SLC22A25: variants seen among roughly 807,000 people sequenced by gnomAD.
SLC22A25 encodes the protein MGI:2442751, MGI:2385316, MGI:3042283, MGI:3645714, MGI:3605624, MGI:2442750.
Under a neutral mutation model 45.9 loss-of-function variants are expected in SLC22A25, and 44 were observed. The observed-to-expected ratio is 0.96, with a 90% CI of 0.75 to 1.23. SLC22A25 has a LOEUF of 1.23. Ranked by LOEUF, SLC22A25 falls within the 50% of genes most tolerant of loss-of-function variation. The pLI is 0.00. For missense variants in SLC22A25, 800 were observed against 666.4 expected (o/e 1.20, Z -2.21); for synonymous variants, 283 against 238.6 (o/e 1.19, Z -1.72).
intron 9 of SLC22A25, among the ~76,000 whole-genome samples, chr11:63,176,374 T>C (rs1352933807): frequency 6.6e-6 from 1 of 151,974 alleles, no homozygotes; most frequent in Non-Finnish European, 1.5e-5. Context: ...CATCTTTGTT[T>C]TGTTTATTTC....
chr11:63,164,016 G>A lies in SLC22A25; in HGVS notation c.1452C>T (p.Ser484=). 6.2e-7 allele frequency: 1 copy of A among 1,613,122 alleles called. No homozygotes were observed. Among genetic ancestry groups the A allele is most frequent in the South Asian group, 1.1e-5 (1 of 90,868 alleles). Residue 484 remains serine (S), a synonymous_variant, in exon 12 of 12, where the codon TCC becomes TCT. Coordinates refer to ENST00000306494, the MANE Select transcript of SLC22A25 (RefSeq NM_199352.6). ...AATATATGCTTAGGATCATCATGAG[G>A]GAAGCCAGGGCTCCCCCAATATTAG... ...NFANIGGALA[S]LMMILSIYSR... is the part of the protein sequence containing the mutation.
In SLC22A25 at chr11:63,162,486, T is replaced by A. The variant is rs1164471156; in HGVS notation, c.*1338A>T. Among the ~76,000 whole-genome samples, 1 of 152,176 alleles carries A rather than the reference T, an allele frequency of 6.6e-6. No individual in the cohort carries two copies. The highest frequency in any genetic ancestry group is 1.9e-4 in the East Asian group (1 of 5,202). Reference sequence around the variant, plus strand: ...AGTTTTATTCTTCTGCATATGGATATCCAGTTTTGGAACTATTTTTTATGT... The same window carrying A: ...AGTTTTATTCTTCTGCATATGGATAACCAGTTTTGGAACTATTTTTTATGT... On this transcript the variant is annotated 3_prime_UTR_variant, in exon 12 of 12. Coordinates refer to ENST00000306494, the MANE Select transcript of SLC22A25 (RefSeq NM_199352.6).
intron 11 of SLC22A25, 117 bp from the exon 12 acceptor site, chr11:63,164,190 C>G: frequency 7.4e-7 from 1 of 1,358,786 alleles, no homozygotes; most frequent in Non-Finnish European, 1.0e-6. Context: ...TGATAACATA[C>G]TCTTGCTTTT....
intron 3 of SLC22A25, among the ~76,000 whole-genome samples, chr11:63,234,252 T>C (rs2090124170): frequency 6.6e-6 from 1 of 152,184 alleles, no homozygotes; most frequent in South Asian, 2.1e-4. Context: ...AAGTCTCCCA[T>C]TATTATTGTG....
intron 7 of SLC22A25, among the ~76,000 whole-genome samples, chr11:63,204,336 A>G (rs1168051524): frequency 2.0e-5 from 3 of 152,174 alleles, no homozygotes; most frequent in Non-Finnish European, 4.4e-5. Flanking sequence ...AATGGGCTAA[A>G]TGCCCCAAAT....
intron 1 of SLC22A25, chr11:63,243,044 G>C (rs1344956283): frequency 6.4e-6 from 1 of 155,928 alleles, no homozygotes; most frequent in African/African-American, 2.4e-5. Context: ...CACTTTTCCA[G>C]TCCAGAGAAA....
At chr11:63,180,067 C>T (rs1371129241) in intron 9 of SLC22A25, among the ~76,000 whole-genome samples, 1 of 152,174 alleles carries the variant, frequency 6.6e-6, no homozygotes, top group African/African-American at 2.4e-5. Context: ...TCTTCTTGCC[C>T]ATTTCAGTGC....
rs567450781 is a variant in SLC22A25, at chr11:63,232,462, G to A, written c.-444-2366C>T. Among the ~76,000 whole-genome samples, 5 of 152,302 alleles carry A rather than the reference G, an allele frequency of 3.3e-5. No individual in the cohort carries two copies. The East Asian group carries it at 9.6e-4, about 29-fold the overall frequency. On this transcript the variant is annotated intron_variant, in intron 3 of 11. Coordinates refer to ENST00000306494, the MANE Select transcript of SLC22A25 (RefSeq NM_199352.6). ...CTGCTATTGGTGTATAAGAATGCTT[G>A]TGATTTTTGCACATTGATTTTGTAT...
Position 63,243,453 on chromosome 11 carries a change from G to C in SLC22A25, c.-1015C>G. ...ATTTACCTGGACTGTTTCTTCGCCA[G>C]GATCCCAACTTCAAAGTCCCATCTG... On this transcript the variant is annotated 5_prime_UTR_variant, in exon 1 of 12. Coordinates refer to ENST00000306494, the MANE Select transcript of SLC22A25 (RefSeq NM_199352.6). 1.3e-6 allele frequency: 1 copy of C among 758,072 alleles called. No individual in the cohort carries two copies. The allele number at this position is 758,072 out of a possible 1,614,324, so 47.0% of individuals were successfully genotyped here.
intron 7 of SLC22A25, among the ~76,000 whole-genome samples, chr11:63,196,652 C>T (rs1487257427): frequency 6.6e-6 from 1 of 152,146 alleles, no homozygotes; most frequent in African/African-American, 2.4e-5. Flanking sequence ...CAATATCATA[C>T]TGAATGGGCA....
rs146944667 is a variant in SLC22A25, at chr11:63,193,699, A to G, written c.831-9882T>C. On this transcript the variant is annotated intron_variant, in intron 7 of 11. Coordinates refer to ENST00000306494, the MANE Select transcript of SLC22A25 (RefSeq NM_199352.6). ...ATCAAAGGTAGATAAAACCACAAAG[A>G]TGGGGAGAAACAAGAGCAGAAAAGC... Among the ~76,000 whole-genome samples, 1,241 of 152,370 alleles carry G rather than the reference A, an allele frequency of 8.1e-3. 14 individuals are homozygous for G. Among genetic ancestry groups the G allele is most frequent in the African/African-American group, 0.027 (1,129 of 41,586 alleles).
rs984736719 is a variant in SLC22A25 at position 63,183,935 on chromosome 11, C to T, written c.831-118G>A. Reference sequence around the variant, plus strand: ...AATACCCACCTCTTGTTTGGTTATACCAGGAAATAAAAGCCTACATTCTCT... The same window carrying T: ...AATACCCACCTCTTGTTTGGTTATATCAGGAAATAAAAGCCTACATTCTCT... On this transcript the variant is annotated intron_variant, in intron 7 of 11. Coordinates refer to ENST00000306494, the MANE Select transcript of SLC22A25 (RefSeq NM_199352.6). 2.1e-6 allele frequency: 3 copies of T among 1,405,202 alleles called. No homozygotes were observed. In the African/African-American group the frequency reaches 4.3e-5, roughly 20 times the overall value. The allele number at this position is 1,405,202 out of a possible 1,614,324, so 87.0% of individuals were successfully genotyped here. A position where few individuals can be genotyped will look rare whatever the true frequency, so the allele number is the denominator to read the frequency against.
chr11:63,171,060 A>G (rs2087863654), intron 9 of SLC22A25, among the ~76,000 whole-genome samples: 1 of 152,228 alleles, frequency 6.6e-6, no homozygotes, highest in Non-Finnish European at 1.5e-5. Flanking sequence ...CAATGACAAT[A>G]GCCACACGAT....
chr11:63,237,378 G>A (rs1181926851), intron 3 of SLC22A25, among the ~76,000 whole-genome samples: 3 of 152,172 alleles, frequency 2.0e-5, no homozygotes, highest in Admixed American at 1.3e-4. Context: ...TATCGCGGAG[G>A]TGGGTTATTG....
intron 5 of SLC22A25, among the ~76,000 whole-genome samples, chr11:63,224,878 A>C (rs12224010): frequency 6.6e-6 from 1 of 151,904 alleles, no homozygotes; most frequent in Non-Finnish European, 1.5e-5. Flanking sequence ...GGTGGGTGGA[A>C]CTTGAGGTCA....
rs527890996 is a variant in SLC22A25, at chr11:63,159,675, C to T, written c.*4149G>A. 2.0e-4 allele frequency among the ~76,000 whole-genome samples: 27 copies of T among 135,820 alleles called. No individual in the cohort carries two copies. The highest frequency in any genetic ancestry group is 7.2e-4 in the African/African-American group (26 of 36,096). The allele number at this position is 135,820 out of a possible 152,430, so 89.1% of individuals were successfully genotyped here. ...AGTGAAGTGCTTCTGTAAAGATACC[C>T]ACAAATGTGGAAGCAACTTTGGAAC... On this transcript the variant is annotated 3_prime_UTR_variant, in exon 12 of 12. Coordinates refer to ENST00000306494, the MANE Select transcript of SLC22A25 (RefSeq NM_199352.6).
intron 9 of SLC22A25, among the ~76,000 whole-genome samples, chr11:63,180,404 C>A (rs558620467): frequency 2.6e-5 from 4 of 152,230 alleles, no homozygotes; most frequent in African/African-American, 9.6e-5. Context: ...TAAACCTATA[C>A]TATAATTGAA....
At chr11:63,173,047 G>A (rs1396119191) in intron 9 of SLC22A25, among the ~76,000 whole-genome samples, 1 of 152,096 alleles carries the variant, frequency 6.6e-6, no homozygotes, top group African/African-American at 2.4e-5. Flanking sequence ...CATAAAAAAA[G>A]ATGAGTTCCT....
At chr11:63,172,444 CAAGAAAAAAATCCCATCAAA>C (rs1208226830) in intron 9 of SLC22A25, among the ~76,000 whole-genome samples, 1 of 151,920 alleles carries the variant, frequency 6.6e-6, no homozygotes, top group East Asian at 1.9e-4. Flanking sequence ...ATCAAATTTA[CAAGAAAAAAATCCCATCAAA>C]AAGTGGGCAA....
Sources: gnomAD v4.1 joint callset for allele counts (sites outside exome capture counted in the v4.1 genomes callset) on GRCh38, gnomAD v4.1.1 for gene constraint, MANE v1.5 for transcripts, NCBI Gene and HGNC (gene_info 2026-07-23, HGNC 2026-07-21) for gene names.